The following ERLIN2 variants were observed in gnomAD, a reference collection of about 807,000 sequenced individuals.
ERLIN2 encodes ER lipid raft associated 2, also known as erlin-2.
ERLIN2 carries 22 observed loss-of-function variants against 41.5 expected under a neutral mutation model. The ratio of observed to expected loss-of-function variants is 0.53; its 90% CI spans 0.38 to 0.76. The LOEUF (loss-of-function observed/expected upper bound fraction) is 0.76, where lower values mean the gene tolerates loss of function less well. ERLIN2 is among the 30% of genes least tolerant of loss of function. The pLI, the probability that ERLIN2 is intolerant of heterozygous loss-of-function variation, is 0.00. For missense variants in ERLIN2, 247 were observed against 414.3 expected (o/e 0.60, Z 3.51); for synonymous variants, 149 against 150.9 (o/e 0.99, Z 0.09).
chr8:37,749,641 T>C lies in ERLIN2; in HGVS notation c.498+9T>C. On this transcript the variant is annotated intron_variant, in intron 7 of 11. Transcript: ENST00000519638. The stretch of plus-strand genomic sequence containing the variant: ...CTGGGCTGGTCATTCAAGTAAGCAT[T>C]GCTGCATGGGAGCAGCCCCTCTCTC... The C allele has an allele frequency of 6.2e-7, 1 of 1,608,654 alleles. No individual in the cohort carries two copies. Among genetic ancestry groups the C allele is most frequent in the Non-Finnish European group, 8.5e-7 (1 of 1,174,974 alleles).
At chr8:37,745,631 A>G (rs1021078294) in intron 6 of ERLIN2, 1 of 1,614,082 alleles carries the variant, frequency 6.2e-7, no homozygotes, top group Non-Finnish European at 8.5e-7. Context: ...AACATTTTTC[A>G]TAGCAGACAG....
intron 6 of ERLIN2, chr8:37,746,631 G>T (rs765296349): frequency 1.3e-4 from 86 of 667,344 alleles, no homozygotes; most frequent in Non-Finnish European, 1.5e-4. Context: ...AATACTAGCT[G>T]CCCGACTAGA....
In ERLIN2 at chr8:37,755,352, T is replaced by C. The variant is rs149001010; in HGVS notation, c.*1237T>C. 4 of 152,402 alleles carry C rather than the reference T, an allele frequency of 2.6e-5. No homozygotes were observed. The highest frequency in any genetic ancestry group is 5.9e-5 in the Non-Finnish European group (4 of 68,072). 9.4% of individuals were successfully genotyped at this position (152,402 alleles called of 1,614,324 possible). On this transcript the variant is annotated 3_prime_UTR_variant, in exon 12 of 12. Coordinates refer to ENST00000519638, the MANE Select transcript of ERLIN2 (RefSeq NM_007175.8). ...GAACATTTTGAGTCACCTTGGGAGA[T>C]TCAGGATGGGGAGAGCAAATTTGAA...
intron 8 of ERLIN2, 155 bp downstream of exon 8, chr8:37,750,007 T>G: frequency 1.4e-6 from 1 of 738,248 alleles, no homozygotes; most frequent in Non-Finnish European, 2.4e-6. Context: ...GGCAGGCGTG[T>G]CAGGGCCACC....
chr8:37,754,322 T>G lies in ERLIN2; in HGVS notation c.*207T>G. Reference sequence around the variant, plus strand: ...GGGGTTTTATTTCAGGTAAGCAGTTTATATGACTTCCAATAAGATTTGTAA... The same window carrying G: ...GGGGTTTTATTTCAGGTAAGCAGTTGATATGACTTCCAATAAGATTTGTAA... On this transcript the variant is annotated 3_prime_UTR_variant, in exon 12 of 12. Transcript: ENST00000519638. 1 of 586,654 alleles carries G rather than the reference T, an allele frequency of 1.7e-6. No homozygotes were observed. Among genetic ancestry groups the G allele is most frequent in the Non-Finnish European group, 3.0e-6 (1 of 328,940 alleles). 36.3% of individuals were successfully genotyped at this position (586,654 alleles called of 1,614,324 possible). A position where few individuals can be genotyped will look rare whatever the true frequency, so the allele number is the denominator to read the frequency against.
chr8:37,745,428 A>G (rs1278471433), intron 6 of ERLIN2: 11 of 816,016 alleles, frequency 1.3e-5, no homozygotes. Context: ...CTTAGCAGCA[A>G]AGGAAGGACA....
At chr8:37,744,282 C>G in intron 4 of ERLIN2, 73 bp from the exon 5 acceptor site, 1 of 1,270,038 alleles carries the variant, frequency 7.9e-7, no homozygotes, top group Non-Finnish European at 1.2e-6. Flanking sequence ...CCACATCTTA[C>G]GCCATCACCC....
At chr8:37,745,915 G>T in intron 6 of ERLIN2, 1 of 1,155,138 alleles carries the variant, frequency 8.7e-7, no homozygotes, top group Non-Finnish European at 1.1e-6. Flanking sequence ...TAGGACTTGT[G>T]ACATTACATG....
rs563340128 is a variant in ERLIN2 at position 37,747,881 on chromosome 8, C to T, written c.425-1678C>T. The T allele has an allele frequency of 9.9e-6, 16 of 1,614,072 alleles. No homozygotes were observed. In the African/African-American group the frequency reaches 2.0e-4, roughly 20 times the overall value. On this transcript the variant is annotated intron_variant, in intron 6 of 11. Transcript: ENST00000519638. ...ATGGGCAATTTCTCTAACTGACAGTCCAGCACTAGGACCACCTGGCCGCAC... is the reference window on the plus strand; with the variant it reads ...ATGGGCAATTTCTCTAACTGACAGTTCAGCACTAGGACCACCTGGCCGCAC...
chr8:37,750,248 C>A, intron 8 of ERLIN2, 147 bp from the exon 9 acceptor site: 1 of 697,460 alleles, frequency 1.4e-6, no homozygotes, highest in East Asian at 2.7e-5. Flanking sequence ...AACAACAGAT[C>A]AGCTTTTACC....
chr8:37,738,581 A>C (rs1027999358), intron 2 of ERLIN2, among the ~76,000 whole-genome samples: 29 of 152,154 alleles, frequency 1.9e-4, no homozygotes, highest in African/African-American at 7.0e-4. Flanking sequence ...TAAAAAAATA[A>C]AATAAAAAAT....
intron 8 of ERLIN2, 174 bp downstream of exon 8, chr8:37,750,026 T>C: frequency 1.4e-6 from 1 of 700,524 alleles, no homozygotes; most frequent in South Asian, 1.5e-5. Context: ...CCACTGGGGC[T>C]CCCTACCTGT....
chr8:37,746,293 C>T (rs911020346), intron 6 of ERLIN2: 2 of 985,358 alleles, frequency 2.0e-6, no homozygotes, highest in Non-Finnish European at 2.4e-6. Context: ...TCACTTCTTA[C>T]TCTGCCGCAT....
At chr8:37,740,494 G>A (rs753780789) in intron 3 of ERLIN2, 48 bp downstream of exon 3, 4 of 1,332,292 alleles carry the variant, frequency 3.0e-6, no homozygotes, top group Non-Finnish European at 4.3e-6. Flanking sequence ...AACTTGGGCT[G>A]TTAACTAGTG....
chr8:37,753,614 C>A, intron 11 of ERLIN2, 85 bp downstream of exon 11: 1 of 1,241,164 alleles, frequency 8.1e-7, no homozygotes, highest in Non-Finnish European at 1.2e-6. Flanking sequence ...GAGCGCCTGC[C>A]ACCACCCAAA....
chr8:37,750,498 G>T lies in ERLIN2; in HGVS notation c.649+12G>T. The T allele has an allele frequency of 6.2e-7, 1 of 1,605,598 alleles. No homozygotes were observed. Among genetic ancestry groups the T allele is most frequent in the East Asian group, 2.2e-5 (1 of 44,862 alleles). ...GAAGGCGCTCATTGGTCTGAATGTGGTTCTGTGATCCCCCTTTCCAGGCAG... is the reference window on the plus strand; with the variant it reads ...GAAGGCGCTCATTGGTCTGAATGTGTTTCTGTGATCCCCCTTTCCAGGCAG... On this transcript the variant is annotated intron_variant, in intron 9 of 11. Coordinates refer to ENST00000519638, the MANE Select transcript of ERLIN2 (RefSeq NM_007175.8).
At position 37,749,866 on chromosome 8, in the gene ERLIN2, C is replaced by G. The variant is rs775338194; in HGVS notation, c.557+14C>G. 3.7e-6 allele frequency: 6 copies of G among 1,613,022 alleles called. No individual in the cohort carries two copies. The Admixed American group carries it at 1.0e-4, about 27-fold the overall frequency. ...CTACGAGTTGATGTGAGTATACCCTCCGCCTGGGCTGTGACCACCACTGCC... is the reference window on the plus strand; with the variant it reads ...CTACGAGTTGATGTGAGTATACCCTGCGCCTGGGCTGTGACCACCACTGCC... On this transcript the variant is annotated intron_variant, in intron 8 of 11. Transcript: ENST00000519638.
Position 37,754,155 on chromosome 8 carries a change from C to A in ERLIN2, c.*40C>A, listed in dbSNP as rs1470418250. 4 of 1,420,598 alleles carry A rather than the reference C, an allele frequency of 2.8e-6. No homozygotes were observed. The highest frequency in any genetic ancestry group is 1.2e-5 in the South Asian group (1 of 85,802). 88.0% of individuals were successfully genotyped at this position (1,420,598 alleles called of 1,614,324 possible). On this transcript the variant is annotated 3_prime_UTR_variant, in exon 12 of 12. Coordinates refer to ENST00000519638, the MANE Select transcript of ERLIN2 (RefSeq NM_007175.8). ...GACTGCAAATGATACTTAAGCAGAT[C>A]TTTATTTTTTAAGATGAATCAGAAT...
chr8:37,741,486 T>C lies in ERLIN2; in HGVS notation c.190-286T>C, dbSNP rs908677014. Among the ~76,000 whole-genome samples the C allele has an allele frequency of 6.6e-6, 1 of 152,056 alleles. No individual in the cohort carries two copies. Among genetic ancestry groups the C allele is most frequent in the African/African-American group, 2.4e-5 (1 of 41,372 alleles). ...CGGTGCCTAACATAAATAGAAGAGG[T>C]AGAAGCAAGCACAAGTCTTAAGATG... On this transcript the variant is annotated intron_variant, in intron 3 of 11. Coordinates refer to ENST00000519638, the MANE Select transcript of ERLIN2 (RefSeq NM_007175.8). This position sits in a 1 kb window ranked among gnomAD's most constrained non-coding sequence, Gnocchi z 4.8.
Sources: gnomAD v4.1 joint callset for allele counts (sites outside exome capture counted in the v4.1 genomes callset) on GRCh38, gnomAD v4.1.1 for gene constraint, Gnocchi (gnomAD v3.1) non-coding constraint, MANE v1.5 for transcripts, NCBI Gene and HGNC (gene_info 2026-07-23, HGNC 2026-07-21) for gene names.